The following NUF2 variants were observed in gnomAD, a reference collection of about 807,000 sequenced individuals.
NUF2 encodes NUF2 component of NDC80 kinetochore complex.
A neutral mutation model predicts 61.8 loss-of-function variants in NUF2; 34 were observed. That is an observed-to-expected ratio of 0.55 (90% CI 0.42 to 0.73). NUF2 has a LOEUF of 0.73. NUF2 is among the 30% of genes least tolerant of loss of function. The pLI is 0.00. For missense variants in NUF2, 445 were observed against 539.1 expected, an observed-to-expected ratio of 0.83 and a Z score of 1.73; for synonymous variants, 172 against 181.6, an observed-to-expected ratio of 0.95 and a Z score of 0.42.
At chr1:163,347,636 GT>G (rs1202066837) in intron 11 of NUF2, 126 bp from the exon 12 acceptor site, 2 of 665,578 alleles carry the variant, frequency 3.0e-6, no homozygotes, top group East Asian at 6.3e-5. Context: ...GGACTTTCAG[GT>G]TTTAAAGAGT....
chr1:163,355,357 C>A lies in NUF2; in HGVS notation c.1283C>A (p.Thr428Asn). ...KSQEIFLNLK[T>N]ALEKYHDGIE... ...TAGGAAATATTTCTAAACTTGAAAA[C>A]TGCTTTGGAGAAATACCACGACGGT... The change falls in exon 14 of 14, where the codon ACT (threonine) becomes AAT (asparagine). Residue 428 changes from threonine to asparagine, a missense_variant. Physicochemically the swap from Thr to Asn is moderately conservative, Grantham distance 65. Transcript: ENST00000271452. 1 of 1,599,084 alleles carries A rather than the reference C, an allele frequency of 6.3e-7. No individual in the cohort carries two copies. Among genetic ancestry groups the A allele is most frequent in the Non-Finnish European group, 8.5e-7 (1 of 1,172,916 alleles).
At chr1:163,346,155 TTA>T (rs144536727) in intron 11 of NUF2, 15 of 154,798 alleles carry the variant, frequency 9.7e-5, no homozygotes, top group East Asian at 5.6e-4. Context: ...GTAACAAACC[TTA>T]TATATATATA....
At chr1:163,348,204 T>G (rs942889202) in intron 12 of NUF2, among the ~76,000 whole-genome samples, 3 of 152,202 alleles carry the variant, frequency 2.0e-5, no homozygotes, top group Non-Finnish European at 4.4e-5. Flanking sequence ...CTGATGCTAC[T>G]GATTATTTCA....
chr1:163,347,076 A>T (rs1251166822), intron 11 of NUF2, among the ~76,000 whole-genome samples: 2 of 152,232 alleles, frequency 1.3e-5, no homozygotes, highest in African/African-American at 4.8e-5. Flanking sequence ...TTGTTCTACC[A>T]GTTGGAAATG....
At chr1:163,327,225 G>C (rs1188434578) in intron 2 of NUF2, among the ~76,000 whole-genome samples, 1 of 151,962 alleles carries the variant, frequency 6.6e-6, no homozygotes, top group Non-Finnish European at 1.5e-5. Flanking sequence ...TCCTAAGGTG[G>C]ATGGGTTGCT....
chr1:163,336,174 T>G (rs1650751001), intron 5 of NUF2, among the ~76,000 whole-genome samples: 1 of 152,152 alleles, frequency 6.6e-6, no homozygotes, highest in Non-Finnish European at 1.5e-5. Flanking sequence ...TTTACCTTGT[T>G]GGTTAACTGA....
intron 1 of NUF2, 120 bp downstream of exon 1, chr1:163,322,332 T>C (rs555389229): frequency 6.6e-6 from 1 of 152,358 alleles, no homozygotes; most frequent in South Asian, 2.1e-4. Context: ...AAGACGAGCT[T>C]GAGCTGAAAT....
intron 12 of NUF2, among the ~76,000 whole-genome samples, chr1:163,348,273 T>C (rs1440943080): frequency 6.6e-6 from 1 of 152,192 alleles, no homozygotes; most frequent in Non-Finnish European, 1.5e-5. Flanking sequence ...GCCTATCTTA[T>C]AGTCCAGCTT....
intron 9 of NUF2, 24 bp downstream of exon 9, chr1:163,340,450 G>A (rs1407416284): frequency 6.4e-7 from 1 of 1,566,652 alleles, no homozygotes; most frequent in Non-Finnish European, 8.8e-7. Flanking sequence ...CTTTTCACTA[G>A]CATTTAAAGT....
chr1:163,349,033 A>G lies in NUF2; in HGVS notation c.1213A>G (p.Ile405Val), dbSNP rs752895396. Residue 405 changes from isoleucine to valine, a missense_variant, in exon 13 of 14, where the codon ATT (isoleucine) becomes GTT (valine). Physicochemically the swap from Ile to Val is conservative, Grantham distance 29 (BLOSUM62 3). Transcript: ENST00000271452. ...NQEIQKIKLG[I>V]QQLKDAAERE... is the part of the protein sequence containing the mutation. ...AGAAATCCAAAAAATTAAACTTGGA[A>G]TTCAACAACTAAAAGATGCTGCTGA... The G allele has an allele frequency of 1.9e-6, 3 of 1,612,200 alleles. No individual in the cohort carries two copies. Among genetic ancestry groups the G allele is most frequent in the South Asian group, 2.2e-5 (2 of 90,582 alleles).
intron 12 of NUF2, among the ~76,000 whole-genome samples, chr1:163,348,652 T>TA (rs1182183690): frequency 1.3e-5 from 2 of 152,152 alleles, no homozygotes; most frequent in African/African-American, 2.4e-5. Context: ...AAATGTAACT[T>TA]AAAAAATCTT....
chr1:163,325,934 A>G, intron 1 of NUF2, 98 bp from the exon 2 acceptor site: 1 of 801,992 alleles, frequency 1.2e-6, no homozygotes, highest in Non-Finnish European at 2.0e-6. Flanking sequence ...TACTATGAAT[A>G]GTTCAACTTT....
At position 163,326,137 on chromosome 1, in the gene NUF2, A is replaced by G; in HGVS notation, c.86A>G (p.Lys29Arg). ...AAGATCTTAACAGGAGCTGATGGTA[A>G]AAACCTCACCAAGAATGATCTTTAT... ...RNKILTGADG[K>R]NLTKNDLYPN... Residue 29 changes from lysine (K) to arginine (R), a missense_variant, in exon 2 of 14, where the codon AAA (lysine) becomes AGA (arginine). Coordinates refer to ENST00000271452, the MANE Select transcript of NUF2 (RefSeq NM_145697.3). The G allele has an allele frequency of 6.2e-7, 1 of 1,613,350 alleles. No individual in the cohort carries two copies. Among genetic ancestry groups the G allele is most frequent in the Non-Finnish European group, 8.5e-7 (1 of 1,179,506 alleles).
At chr1:163,336,181 C>T (rs1303930272) in intron 5 of NUF2, among the ~76,000 whole-genome samples, 2 of 152,124 alleles carry the variant, frequency 1.3e-5, no homozygotes, top group Non-Finnish European at 2.9e-5. Flanking sequence ...TGTTGGTTAA[C>T]TGAGAACCTG....
chr1:163,327,596 T>A, intron 3 of NUF2, 34 bp downstream of exon 3: 1 of 1,339,968 alleles, frequency 7.5e-7, no homozygotes. Context: ...TATGGGGTTT[T>A]TTTTGTTTGT....
rs552549961 is a variant in NUF2 at position 163,326,757 on chromosome 1, A to G, written c.123+583A>G. On this transcript the variant is annotated intron_variant, in intron 2 of 13. Transcript: ENST00000271452. ...GTAGTAAAACCTGGTGTAATGGTGT[A>G]GAACTCAAACTTTCTGATGTCACTA... is the stretch of plus-strand genomic sequence containing the variant. Among the ~76,000 whole-genome samples, 7 of 152,306 alleles carry G rather than the reference A, an allele frequency of 4.6e-5. No homozygotes were observed. In the South Asian group the frequency reaches 1.4e-3, roughly 32 times the overall value.
chr1:163,323,552 CCA>C lies in NUF2; in HGVS notation c.-21+1351_-21+1352del, dbSNP rs139549637. The stretch of plus-strand genomic sequence containing the variant: ...TGGGCAACATAGTGAGACCCTATCT[CCA>C]CACACACACAAATTAACAGGGCGTG... On this transcript the variant is annotated intron_variant, in intron 1 of 13. Transcript: ENST00000271452. 1.1e-3 allele frequency among the ~76,000 whole-genome samples: 162 copies of C among 151,996 alleles called. 1 individual carries two copies. Among genetic ancestry groups the C allele is most frequent in the African/African-American group, 3.7e-3 (152 of 41,432 alleles).
chr1:163,347,925 C>A lies in NUF2; in HGVS notation c.1111C>A (p.Arg371Ser), dbSNP rs199764107. The A allele has an allele frequency of 6.3e-6, 10 of 1,586,996 alleles. No individual in the cohort carries two copies. The East Asian group carries it at 1.8e-4, about 29-fold the overall frequency. The change falls in exon 12 of 14, where the codon CGC becomes AGC. Residue 371 changes from arginine to serine, a missense_variant. Coordinates refer to ENST00000271452, the MANE Select transcript of NUF2 (RefSeq NM_145697.3). Reference protein sequence around the residue: ...KKHEDVKQYKRTVIEDCNKVQ... With the variant: ...KKHEDVKQYKSTVIEDCNKVQ... ...GCATGAAGATGTTAAGCAATACAAA[C>A]GCACAGTAATTGAGTATGGAGTTGT...
intron 1 of NUF2, among the ~76,000 whole-genome samples, chr1:163,323,706 C>G (rs540705699): frequency 5.9e-5 from 9 of 152,084 alleles, no homozygotes; most frequent in African/African-American, 2.2e-4. Context: ...GGATGACAAA[C>G]TGAGACCCTG....
Sources: allele counts gnomAD v4.1 joint callset (sites outside exome capture counted in the v4.1 genomes callset), GRCh38; gene constraint gnomAD v4.1.1; transcripts MANE v1.5; gene names NCBI Gene and HGNC (gene_info 2026-07-23, HGNC 2026-07-21).